FHIT: variants seen among roughly 807,000 people sequenced by gnomAD.
FHIT encodes fragile histidine triad diadenosine triphosphatase, also known as bis(5'-adenosyl)-triphosphatase.
Under a neutral mutation model 17.9 loss-of-function variants are expected in FHIT, and 19 were observed. The observed-to-expected ratio is 1.06, with a 90% CI of 0.74 to 1.56. The LOEUF is 1.56. Ranked by LOEUF, FHIT falls within the 40% of genes most tolerant of loss-of-function variation. The probability of loss-of-function intolerance (pLI) is 0.00; values close to 1 mark genes in which losing one functional copy is unlikely to be tolerated. For missense variants in FHIT, 248 were observed against 189.2 expected, an observed-to-expected ratio of 1.31 and a Z score of -1.82; for synonymous variants, 81 against 69.7, an observed-to-expected ratio of 1.16 and a Z score of -0.81.
intron 5 of FHIT, among the ~76,000 whole-genome samples, chr3:60,163,086 G>A (rs1011926538): frequency 2.0e-5 from 3 of 152,144 alleles, no homozygotes; most frequent in African/African-American, 7.2e-5. Flanking sequence ...GAAGACATGA[G>A]GGGAAGTTCT....
chr3:60,941,731 T>C (rs1457649551), intron 3 of FHIT, among the ~76,000 whole-genome samples: 1 of 152,180 alleles, frequency 6.6e-6, no homozygotes, highest in African/African-American at 2.4e-5. Context: ...TCACACACCT[T>C]TCTACGTTTG....
At chr3:60,105,865 T>C (rs17062253) in intron 5 of FHIT, among the ~76,000 whole-genome samples, 2,466 of 152,266 alleles carry the variant, frequency 0.016, 60 homozygotes, top group African/African-American at 0.055. Flanking sequence ...TAATGAGAGA[T>C]GAATTTTCAG....
chr3:60,066,630 A>T (rs867045311), intron 5 of FHIT, among the ~76,000 whole-genome samples: 10 of 51,422 alleles, frequency 1.9e-4, no homozygotes, highest in African/African-American at 6.2e-4. Flanking sequence ...TCCCTGACAA[A>T]TTTTTTTTTT....
intron 5 of FHIT, among the ~76,000 whole-genome samples, chr3:60,047,565 G>A (rs964484489): frequency 2.0e-5 from 3 of 152,212 alleles, no homozygotes; most frequent in African/African-American, 7.2e-5. Flanking sequence ...CACCTGGCGT[G>A]AACCGATATG....
chr3:60,830,127 C>T (rs1020958765), intron 3 of FHIT, among the ~76,000 whole-genome samples: 4 of 152,054 alleles, frequency 2.6e-5, no homozygotes, highest in Admixed American at 6.6e-5. Context: ...GTATTTGAGC[C>T]TGATCTCAAA....
At chr3:59,989,620 C>G (rs1709138847) in intron 7 of FHIT, among the ~76,000 whole-genome samples, 1 of 151,942 alleles carries the variant, frequency 6.6e-6, no homozygotes, top group Non-Finnish European at 1.5e-5. Flanking sequence ...ACAATCTATA[C>G]CTAAGTAACA....
chr3:60,484,278 A>C (rs6791403), intron 5 of FHIT, among the ~76,000 whole-genome samples: 20,437 of 152,220 alleles, frequency 0.13, 1,756 homozygotes, highest in African/African-American at 0.23. Flanking sequence ...TGTTATTCTC[A>C]AACTACTATT....
intron 5 of FHIT, among the ~76,000 whole-genome samples, chr3:60,050,769 C>G (rs1403096011): frequency 2.6e-5 from 4 of 152,148 alleles, no homozygotes; most frequent in Non-Finnish European, 4.4e-5. Context: ...AGACCTAGAT[C>G]CAGGCATCTC....
chr3:60,454,907 TAACA>T (rs2031990893), intron 5 of FHIT, among the ~76,000 whole-genome samples: 1 of 151,942 alleles, frequency 6.6e-6, no homozygotes, highest in Non-Finnish European at 1.5e-5. Context: ...AGTTTTACCA[TAACA>T]AACTTGGGTA....
At chr3:60,505,361 A>G (rs1259181583) in intron 5 of FHIT, among the ~76,000 whole-genome samples, 2 of 152,200 alleles carry the variant, frequency 1.3e-5, no homozygotes, top group African/African-American at 4.8e-5. Flanking sequence ...GGCTTCTTTC[A>G]GCATCTGTGT....
At chr3:60,712,583 T>G (rs1373575891) in intron 4 of FHIT, among the ~76,000 whole-genome samples, 1 of 151,826 alleles carries the variant, frequency 6.6e-6, no homozygotes, top group African/African-American at 2.4e-5. Flanking sequence ...TGGAGGAAGA[T>G]CTACCAAGCA....
chr3:61,080,531 TAAGAA>T (rs764091078), intron 2 of FHIT, among the ~76,000 whole-genome samples: 1 of 152,156 alleles, frequency 6.6e-6, no homozygotes, highest in Non-Finnish European at 1.5e-5. Flanking sequence ...GCTTTTGTGC[TAAGAA>T]AAGAAAAATT....
intron 2 of FHIT, among the ~76,000 whole-genome samples, chr3:61,066,856 G>A (rs1178361026): frequency 6.6e-6 from 1 of 152,148 alleles, no homozygotes. Flanking sequence ...AACACTGGAA[G>A]GAAAAAGGAA....
chr3:59,861,204 C>A (rs1293152645), intron 8 of FHIT, among the ~76,000 whole-genome samples: 2 of 152,090 alleles, frequency 1.3e-5, no homozygotes, highest in Non-Finnish European at 2.9e-5. Flanking sequence ...AGCTAAAACA[C>A]AAGATGACCC....
intron 4 of FHIT, among the ~76,000 whole-genome samples, chr3:60,544,237 G>C (rs56892720): frequency 6.6e-6 from 1 of 151,644 alleles, no homozygotes. Context: ...AGAGGGCTGA[G>C]TTTAAACTTC....
intron 4 of FHIT, among the ~76,000 whole-genome samples, chr3:60,556,262 A>G (rs1004988474): frequency 1.3e-5 from 2 of 152,192 alleles, no homozygotes; most frequent in Admixed American, 6.5e-5. Flanking sequence ...AGTGACATCT[A>G]TAAAGTTTTC....
chr3:60,697,242 G>C (rs1462296581), intron 4 of FHIT, among the ~76,000 whole-genome samples: 1 of 152,178 alleles, frequency 6.6e-6, no homozygotes, highest in Non-Finnish European at 1.5e-5. Flanking sequence ...AAATGGATAT[G>C]TCAAAGGACA....
chr3:60,365,746 T>A (rs531771122), intron 5 of FHIT, among the ~76,000 whole-genome samples: 30 of 152,318 alleles, frequency 2.0e-4, no homozygotes, highest in Middle Eastern at 3.4e-3. Flanking sequence ...ACATGGTTTC[T>A]CAGAAAGTCA....
At chr3:61,047,357 A>T (rs1005318040) in intron 2 of FHIT, among the ~76,000 whole-genome samples, 3 of 152,224 alleles carry the variant, frequency 2.0e-5, no homozygotes, top group African/African-American at 7.2e-5. Context: ...AGAGAGCCAA[A>T]TCATGAGTGA....
Sources: gnomAD v4.1 joint callset for allele counts (sites outside exome capture counted in the v4.1 genomes callset) on GRCh38, gnomAD v4.1.1 for gene constraint, MANE v1.5 for transcripts, NCBI Gene and HGNC (gene_info 2026-07-23, HGNC 2026-07-21) for gene names.